The following NUP43 variants were observed in gnomAD, a reference collection of about 807,000 sequenced individuals.
NUP43 encodes the protein nucleoporin Nup43.
A neutral mutation model predicts 47.3 loss-of-function variants in NUP43; 32 were observed. That is an observed-to-expected ratio of 0.68 (90% CI 0.51 to 0.91). NUP43 has a LOEUF of 0.91. Among genes scored for constraint, NUP43 ranks in the 40% least tolerant of loss-of-function variants. The probability of loss-of-function intolerance (pLI) is 0.00; values close to 1 mark genes in which losing one functional copy is unlikely to be tolerated. For missense variants in NUP43, 444 were observed against 453.9 expected (o/e 0.98, Z 0.20); for synonymous variants, 147 against 158.4 (o/e 0.93, Z 0.54).
At chr6:149,731,509 G>C (rs1785038065) in intron 7 of NUP43, 104 bp downstream of exon 7, 1 of 1,021,702 alleles carries the variant, frequency 9.8e-7, no homozygotes, top group Non-Finnish European at 1.4e-6. Context: ...GTTGCAGTGA[G>C]CTGAGATCGT....
In NUP43 at chr6:149,742,489, T is replaced by C. The variant is rs76293895; in HGVS notation, c.403A>G (p.Thr135Ala). Residue 135 changes from threonine to alanine, a missense_variant, in exon 4 of 8, where the codon ACA becomes GCA. By Grantham distance (58) the Thr-to-Ala change is moderately conservative (BLOSUM62 0). Transcript: ENST00000340413. Reference protein sequence around the residue: ...GSPSYSSAPCTGVVCNNPEIV... With the variant: ...GSPSYSSAPCAGVVCNNPEIV... ...TCTGGGTTGTTGCACACAACACCTG[T>C]ACATGGTGCACTGCTATAGGAAGGA... 1.2e-6 allele frequency: 2 copies of C among 1,614,070 alleles called. No individual in the cohort carries two copies. Among genetic ancestry groups the C allele is most frequent in the South Asian group, 1.1e-5 (1 of 91,080 alleles).
In NUP43 at chr6:149,744,913, A is replaced by AT. The variant is rs58048803; in HGVS notation, c.243+1026dup. ...TATTTATTTATTTATTTATTTATTTATTATTATTATTTTTTGAGACAGAGT... is the reference window on the plus strand; with the variant it reads ...TATTTATTTATTTATTTATTTATTTATTTATTATTATTTTTTGAGACAGAGT... On this transcript the variant is annotated intron_variant, in intron 2 of 7. Transcript: ENST00000340413. 9.9e-3 allele frequency among the ~76,000 whole-genome samples: 1,469 copies of AT among 147,860 alleles called. 12 individuals are homozygous for AT. The highest frequency in any genetic ancestry group is 0.022 in the African/African-American group (901 of 40,100).
At chr6:149,733,617 T>G (rs976931337) in intron 6 of NUP43, among the ~76,000 whole-genome samples, 2 of 152,078 alleles carry the variant, frequency 1.3e-5, no homozygotes, top group Non-Finnish European at 2.9e-5. Flanking sequence ...GGCTAACTTT[T>G]GTATTTTTAA....
rs540589204 is a variant in NUP43, at chr6:149,746,262, G to A, written c.120+114C>T. On this transcript the variant is annotated intron_variant, in intron 1 of 7. Coordinates refer to ENST00000340413, the MANE Select transcript of NUP43 (RefSeq NM_198887.3). ...ACCGCGCCTGAGACAGGGGTCCGGG[G>A]GACCTAAAAGTGCGAGAAGAACCAG... 1.0e-4 allele frequency: 155 copies of A among 1,476,510 alleles called. 2 individuals are homozygous for A. The South Asian group carries it at 1.8e-3, about 17-fold the overall frequency. 91.5% of individuals were successfully genotyped at this position (1,476,510 alleles called of 1,614,324 possible).
upstream of NUP43, among the ~76,000 whole-genome samples, chr6:149,748,935 C>T (rs75535670): frequency 0.029 from 4,472 of 151,956 alleles, 235 homozygotes; most frequent in African/African-American, 0.1. Context: ...GAGCTTCTCA[C>T]TCATGGTCTT....
At chr6:149,744,270 A>G (rs1386512465) in intron 2 of NUP43, among the ~76,000 whole-genome samples, 1 of 152,192 alleles carries the variant, frequency 6.6e-6, no homozygotes, top group Admixed American at 6.6e-5. Flanking sequence ...TGACGCCTGT[A>G]ATCCCAGCAC....
chr6:149,736,671 A>G (rs755841060), intron 5 of NUP43, 49 bp from the exon 6 acceptor site: 2 of 1,488,938 alleles, frequency 1.3e-6, no homozygotes, highest in Non-Finnish European at 1.8e-6. Flanking sequence ...AGTATAATTT[A>G]TCTTTGTGTA....
In NUP43 at chr6:149,726,820, A is replaced by G. The variant is rs1784808614; in HGVS notation, c.*149T>C. 1.6e-6 allele frequency: 1 copy of G among 641,606 alleles called. No homozygotes were observed. Among genetic ancestry groups the G allele is most frequent in the Non-Finnish European group, 2.7e-6 (1 of 363,658 alleles). 39.7% of individuals were successfully genotyped at this position (641,606 alleles called of 1,614,324 possible). A position where few individuals can be genotyped will look rare whatever the true frequency, so the allele number is the denominator to read the frequency against. ...ACTGTTTGGGAGTGTCAGGCTAACAAAAGTCAAAACTGGGCATTGACATTA... is the reference window on the plus strand; with the variant it reads ...ACTGTTTGGGAGTGTCAGGCTAACAGAAGTCAAAACTGGGCATTGACATTA... On this transcript the variant is annotated 3_prime_UTR_variant, in exon 8 of 8. Transcript: ENST00000340413.
upstream of NUP43, chr6:149,749,247 C>T (rs1203382227): frequency 2.6e-5 from 4 of 153,628 alleles, no homozygotes; most frequent in Admixed American, 6.6e-5. Flanking sequence ...TAGAGAGGGC[C>T]TTTGTCGTTG....
chr6:149,747,914 T>C (rs1162634176), upstream of NUP43, among the ~76,000 whole-genome samples: 3 of 152,214 alleles, frequency 2.0e-5, no homozygotes, highest in Non-Finnish European at 4.4e-5. Flanking sequence ...TTTTTTCTTT[T>C]CTCCAAATGG....
In NUP43 at chr6:149,727,004, C is replaced by T; in HGVS notation, c.1108G>A (p.Glu370Lys). The change falls in exon 8 of 8, where the codon GAA (glutamate) becomes AAA (lysine). Residue 370 changes from glutamate (E) to lysine (K), a missense_variant. By Grantham distance (56) the Glu-to-Lys change is moderately conservative (BLOSUM62 1). Coordinates refer to ENST00000340413, the MANE Select transcript of NUP43 (RefSeq NM_198887.3). ...GPCLVCGTDA[E>K]AIYVTRHLFS is the part of the protein sequence containing the mutation. ...AGATGTCTAGTAACATAAATTGCTTCTGCATCGGTTCCACAAACAAGACAA... is the reference window on the plus strand; with the variant it reads ...AGATGTCTAGTAACATAAATTGCTTTTGCATCGGTTCCACAAACAAGACAA... The T allele has an allele frequency of 6.2e-6, 10 of 1,614,008 alleles. No individual in the cohort carries two copies. The highest frequency in any genetic ancestry group is 8.5e-6 in the Non-Finnish European group (10 of 1,179,894).
upstream of NUP43, among the ~76,000 whole-genome samples, chr6:149,747,355 G>A (rs1786065798): frequency 6.6e-6 from 1 of 151,828 alleles, no homozygotes; most frequent in African/African-American, 2.4e-5. Flanking sequence ...TCAGCTCACT[G>A]CAACCTCTGC....
chr6:149,726,925 G>T lies in NUP43; in HGVS notation c.*44C>A. The T allele has an allele frequency of 1.3e-6, 2 of 1,486,284 alleles. No individual in the cohort carries two copies. Among genetic ancestry groups the T allele is most frequent in the Non-Finnish European group, 1.9e-6 (2 of 1,071,770 alleles). The allele number at this position is 1,486,284 out of a possible 1,614,324, so 92.1% of individuals were successfully genotyped here. On this transcript the variant is annotated 3_prime_UTR_variant, in exon 8 of 8. Coordinates refer to ENST00000340413, the MANE Select transcript of NUP43 (RefSeq NM_198887.3). The stretch of plus-strand genomic sequence containing the variant: ...TTTGCACAGAAGTTGGATTTCAAAA[G>T]GCTAATTGCATGTTCTATCTGAAAT...
chr6:149,727,903 A>G (rs752606925), intron 7 of NUP43: 11 of 985,282 alleles, frequency 1.1e-5, no homozygotes, highest in Non-Finnish European at 1.3e-5. Context: ...ATAAGTACAA[A>G]TTTAATTCAC....
chr6:149,748,632 AC>A (rs1331184019), upstream of NUP43, among the ~76,000 whole-genome samples: 1 of 151,602 alleles, frequency 6.6e-6, no homozygotes, highest in Non-Finnish European at 1.5e-5. Flanking sequence ...ACACGGTGAA[AC>A]CCTGTCTCTA....
At chr6:149,735,890 C>T (rs561863214) in intron 6 of NUP43, among the ~76,000 whole-genome samples, 2 of 150,936 alleles carry the variant, frequency 1.3e-5, no homozygotes, top group African/African-American at 4.9e-5. Flanking sequence ...GGAGGATCAC[C>T]TGAGCCCTGG....
At chr6:149,738,582 A>G (rs887997121) in intron 5 of NUP43, 61 bp downstream of exon 5, 2 of 1,260,252 alleles carry the variant, frequency 1.6e-6, no homozygotes, top group Non-Finnish European at 2.1e-6. Flanking sequence ...GCCAGTAGCT[A>G]TAAACAACCT....
At chr6:149,746,735 T>C (rs1786034781), upstream of NUP43, 1 of 1,403,922 alleles carries the variant, frequency 7.1e-7, no homozygotes, top group African/African-American at 1.4e-5. Context: ...GCAGTAGGAC[T>C]TGCTCCTAAT....
chr6:149,744,615 A>G (rs1180926855), intron 2 of NUP43, among the ~76,000 whole-genome samples: 2 of 151,890 alleles, frequency 1.3e-5, no homozygotes, highest in Non-Finnish European at 2.9e-5. Context: ...AGCCGGGTGG[A>G]CCACGAGGTC....
Sources: gnomAD v4.1 joint callset for allele counts (sites outside exome capture counted in the v4.1 genomes callset) on GRCh38, gnomAD v4.1.1 for gene constraint, MANE v1.5 for transcripts, NCBI Gene and HGNC (gene_info 2026-07-23, HGNC 2026-07-21) for gene names.